GPLD1: variants seen among roughly 807,000 people sequenced by gnomAD.
GPLD1 encodes the protein phosphatidylinositol-glycan-specific phospholipase D.
A neutral mutation model predicts 112.6 loss-of-function variants in GPLD1; 84 were observed. The ratio of observed to expected loss-of-function variants is 0.75; its 90% CI spans 0.63 to 0.89. The LOEUF is 0.89. GPLD1 is among the 40% of genes least tolerant of loss of function. The probability of loss-of-function intolerance (pLI) is 0.00; values close to 1 mark genes in which losing one functional copy is unlikely to be tolerated. For missense variants in GPLD1, 1,044 were observed against 1,051.5 expected (o/e 0.99, Z 0.10); for synonymous variants, 386 against 403.8 (o/e 0.96, Z 0.53).
At chr6:24,438,012 G>A (rs554660229) in intron 20 of GPLD1, among the ~76,000 whole-genome samples, 1 of 152,280 alleles carries the variant, frequency 6.6e-6, no homozygotes, top group South Asian at 2.1e-4. Context: ...GCAGACAGCT[G>A]GGGCCCACAA....
chr6:24,474,188 C>CAT (rs1432801792), intron 5 of GPLD1, among the ~76,000 whole-genome samples: 10 of 147,584 alleles, frequency 6.8e-5, no homozygotes, highest in African/African-American at 2.5e-4. Context: ...CACACACACA[C>CAT]ACACACACAC....
chr6:24,475,288 C>T (rs940226356), intron 4 of GPLD1, 57 bp from the exon 5 acceptor site: 17 of 905,636 alleles, frequency 1.9e-5, no homozygotes, highest in Non-Finnish European at 3.1e-5. Flanking sequence ...AATAACAATC[C>T]TATTAAAAGT....
exon 1 of GPLD1, chr6:24,495,032 C>T: frequency 7.4e-7 from 1 of 1,349,684 alleles, no homozygotes; most frequent in Non-Finnish European, 9.5e-7. Context: ...GCTGTGGGGC[C>T]CGGCGCCTCG....
intron 1 of GPLD1, chr6:24,494,817 T>C (rs1342452065): frequency 1.5e-6 from 1 of 664,876 alleles, no homozygotes. Flanking sequence ...GGCGCGGCGG[T>C]GCAGCGAGAA....
In GPLD1 at chr6:24,466,708, T is replaced by A. The variant is rs1763628868; in HGVS notation, c.793A>T (p.Thr265Ser). 1 of 1,612,512 alleles carries A rather than the reference T, an allele frequency of 6.2e-7. No individual in the cohort carries two copies. Among genetic ancestry groups the A allele is most frequent in the African/African-American group, 1.3e-5 (1 of 74,906 alleles). Residue 265 changes from threonine (T) to serine (S), a missense_variant, in exon 10 of 25, where the codon ACA (threonine) becomes TCA (serine). Physicochemically the swap from Thr to Ser is moderately conservative, Grantham distance 58. Coordinates refer to ENST00000230036, the MANE Select transcript of GPLD1 (RefSeq NM_001503.4). ...GTCCCATTCTCCAACATGAAGCTTG[T>A]TAGATGGTAAATATTAGTGGACCAA... ...AFWSTNIYHL[T>S]SFMLENGTSD...
intron 20 of GPLD1, among the ~76,000 whole-genome samples, chr6:24,443,206 GT>G (rs1275673649): frequency 2.0e-4 from 30 of 151,850 alleles, no homozygotes; most frequent in African/African-American, 7.0e-4. Context: ...AAAAGAAACT[GT>G]TTTAAAGGAA....
intron 3 of GPLD1, among the ~76,000 whole-genome samples, chr6:24,476,821 G>A (rs1027095244): frequency 2.6e-5 from 4 of 152,130 alleles, no homozygotes; most frequent in Non-Finnish European, 5.9e-5. Flanking sequence ...CGTGTCCCAT[G>A]TAGCTCTTTA....
At chr6:24,484,210 T>C (rs75819761) in intron 2 of GPLD1, among the ~76,000 whole-genome samples, 12,940 of 151,848 alleles carry the variant, frequency 0.085, 755 homozygotes, top group South Asian at 0.15. Context: ...CCACCGTGCC[T>C]GGCCCACCAT....
intron 3 of GPLD1, among the ~76,000 whole-genome samples, chr6:24,476,919 C>T (rs767730325): frequency 2.0e-5 from 3 of 151,992 alleles, no homozygotes; most frequent in East Asian, 3.9e-4. Flanking sequence ...CCAAATGTTA[C>T]GAGGGTAACT....
intron 1 of GPLD1, 24 bp from the exon 2 acceptor site, chr6:24,486,154 C>A: frequency 1.5e-6 from 2 of 1,357,142 alleles, no homozygotes; most frequent in Non-Finnish European, 2.1e-6. Context: ...ATACATAAAT[C>A]AATTAAGTTC....
At chr6:24,488,746 A>G (rs1303689484) in intron 1 of GPLD1, among the ~76,000 whole-genome samples, 3 of 152,184 alleles carry the variant, frequency 2.0e-5, no homozygotes, top group Non-Finnish European at 4.4e-5. Context: ...TTATACATCA[A>G]TAAAGCTAGA....
At chr6:24,436,554 T>A in intron 22 of GPLD1, 22 bp downstream of exon 22, 1 of 1,602,808 alleles carries the variant, frequency 6.2e-7, no homozygotes, top group Non-Finnish European at 8.5e-7. Flanking sequence ...CAATAAGTTA[T>A]AGAATTTTGT....
At chr6:24,439,063 G>A (rs1762667008) in intron 20 of GPLD1, among the ~76,000 whole-genome samples, 1 of 152,176 alleles carries the variant, frequency 6.6e-6, no homozygotes, top group South Asian at 2.1e-4. Context: ...GATTACAGGT[G>A]CAAGCCACCA....
At chr6:24,459,029 C>G (rs1376708646) in intron 12 of GPLD1, among the ~76,000 whole-genome samples, 1 of 152,196 alleles carries the variant, frequency 6.6e-6, no homozygotes, top group African/African-American at 2.4e-5. Context: ...GCCTACTTAG[C>G]TTCCTAAGCC....
chr6:24,449,944 C>CCTT (rs397707120), intron 14 of GPLD1, 45 bp from the exon 15 acceptor site: 3 of 1,387,160 alleles, frequency 2.2e-6, no homozygotes, highest in African/African-American at 1.4e-5. Context: ...GCCACGGCCT[C>CCTT]GGAAAGAGCA....
chr6:24,480,278 A>G (rs1764157156), intron 2 of GPLD1, among the ~76,000 whole-genome samples: 1 of 151,486 alleles, frequency 6.6e-6, no homozygotes, highest in Non-Finnish European at 1.5e-5. Context: ...GATTTCCCTG[A>G]GGCCTTAAGG....
At chr6:24,471,439 C>T (rs6910432) in intron 7 of GPLD1, among the ~76,000 whole-genome samples, 9,275 of 151,676 alleles carry the variant, frequency 0.061, 849 homozygotes, top group African/African-American at 0.2. Context: ...CACTCCAGCC[C>T]GAGCCACAGA....
chr6:24,475,999 G>A (rs889547219), intron 4 of GPLD1, among the ~76,000 whole-genome samples, 182 bp downstream of exon 4: 2 of 152,188 alleles, frequency 1.3e-5, no homozygotes, highest in African/African-American at 2.4e-5. Flanking sequence ...ATCCCAAACC[G>A]TGTTTATAAG....
At chr6:24,458,964 C>A in intron 12 of GPLD1, among the ~76,000 whole-genome samples, 1 of 152,166 alleles carries the variant, frequency 6.6e-6, no homozygotes, top group South Asian at 2.1e-4. Context: ...CTCAGAGACC[C>A]CATTCACAAA....
Sources: gnomAD v4.1 joint callset for allele counts (sites outside exome capture counted in the v4.1 genomes callset) on GRCh38, gnomAD v4.1.1 for gene constraint, MANE v1.5 for transcripts, NCBI Gene and HGNC (gene_info 2026-07-23, HGNC 2026-07-21) for gene names.